SLC9A1: variants seen among roughly 807,000 people sequenced by gnomAD.
SLC9A1 encodes sodium/hydrogen exchanger 1.
SLC9A1 carries 22 observed loss-of-function variants against 67.9 expected under a neutral mutation model. That is an observed-to-expected ratio of 0.32 (90% CI 0.23 to 0.46). The LOEUF (loss-of-function observed/expected upper bound fraction) is 0.46, where lower values mean the gene tolerates loss of function less well. Ranked by LOEUF, SLC9A1 falls within the 20% of genes least tolerant of loss-of-function variation. The pLI is 1.00. For synonymous variants in SLC9A1, 421 were observed against 471.8 expected (o/e 0.89, Z 1.40); for missense variants, 686 against 1,094.8 (o/e 0.63, Z 5.27).
In SLC9A1 at chr1:27,113,951, A is replaced by T. The variant is rs752615564; in HGVS notation, c.688T>A (p.Phe230Ile). Residue 230 changes from phenylalanine to isoleucine, a missense_variant, in exon 2 of 12, where the codon TTC becomes ATC. Physicochemically the swap from Phe to Ile is conservative, Grantham distance 21 (BLOSUM62 0). Around this residue, in one of 7 missense-constraint regions of SLC9A1, gnomAD observed 49 missense variants for 73.1 expected, o/e 0.67. Transcript: ENST00000263980. ...NNIGLLDNLL[F>I]GSIISAVDPV... is the part of the protein sequence containing the mutation. Reference sequence around the variant, plus strand: ...TCCACGGCCGAGATGATGCTGCCGAAGAGCAGGTTGTCCAGGAGGCCGATG... The same window carrying T: ...TCCACGGCCGAGATGATGCTGCCGATGAGCAGGTTGTCCAGGAGGCCGATG... 6.2e-7 allele frequency: 1 copy of T among 1,614,240 alleles called. No homozygotes were observed. Among genetic ancestry groups the T allele is most frequent in the South Asian group, 1.1e-5 (1 of 91,078 alleles).
At chr1:27,115,324 A>G (rs913485939) in intron 1 of SLC9A1, among the ~76,000 whole-genome samples, 14 of 152,316 alleles carry the variant, frequency 9.2e-5, no homozygotes, top group South Asian at 2.1e-4. Context: ...AGGAGTAGCA[A>G]AAATCCCCGT....
intron 1 of SLC9A1, among the ~76,000 whole-genome samples, chr1:27,126,904 GAGTT>G (rs2083348239): frequency 6.6e-6 from 1 of 152,194 alleles, no homozygotes; most frequent in African/African-American, 2.4e-5. Flanking sequence ...GGAAGGGTGA[GAGTT>G]AGGCACCAAG....
Position 27,100,667 on chromosome 1 carries a change from A to C in SLC9A1, c.2111-23T>G. Reference sequence around the variant, plus strand: ...GGTCTGGGGACCAAGAGCAAGGCACAAGCTGGGTTCCGCTCTGGAGCCCGG... The same window carrying C: ...GGTCTGGGGACCAAGAGCAAGGCACCAGCTGGGTTCCGCTCTGGAGCCCGG... On this transcript the variant is annotated intron_variant, in intron 11 of 11. Transcript: ENST00000263980. The surrounding 1 kb of genome is among the most constrained non-coding windows in gnomAD (Gnocchi z 5.6). 6.3e-7 allele frequency: 1 copy of C among 1,577,090 alleles called. No homozygotes were observed. Among genetic ancestry groups the C allele is most frequent in the Non-Finnish European group, 8.6e-7 (1 of 1,159,376 alleles).
chr1:27,126,964 G>C (rs2083348622), intron 1 of SLC9A1, among the ~76,000 whole-genome samples: 1 of 152,174 alleles, frequency 6.6e-6, no homozygotes, highest in African/African-American at 2.4e-5. Flanking sequence ...ACAGGACAGG[G>C]AAACGAGTGT....
At chr1:27,119,192 T>A (rs1053583449) in intron 1 of SLC9A1, among the ~76,000 whole-genome samples, 1 of 152,044 alleles carries the variant, frequency 6.6e-6, no homozygotes, top group African/African-American at 2.4e-5. Context: ...CCTCGGACGG[T>A]CCCCATCTGT....
At chr1:27,130,048 T>C (rs1003731662) in intron 1 of SLC9A1, among the ~76,000 whole-genome samples, 2 of 152,228 alleles carry the variant, frequency 1.3e-5, no homozygotes, top group Non-Finnish European at 1.5e-5. Context: ...TCCTTTGCTG[T>C]GTGACCTTGG....
At chr1:27,111,326 TAGAG>T (rs1311396939) in intron 2 of SLC9A1, among the ~76,000 whole-genome samples, 1 of 152,176 alleles carries the variant, frequency 6.6e-6, no homozygotes, top group Non-Finnish European at 1.5e-5. Context: ...CCTGGAACTA[TAGAG>T]AAACAGAGTA....
In SLC9A1 at chr1:27,113,809, GC is replaced by G; in HGVS notation, c.813+16del. The G allele has an allele frequency of 2.5e-6, 4 of 1,592,674 alleles. No individual in the cohort carries two copies. Among genetic ancestry groups the G allele is most frequent in the Non-Finnish European group, 3.4e-6 (4 of 1,164,196 alleles). Reference sequence around the variant, plus strand: ...TTTGTACCGTTTGGACATGGGCATGGCCCCTGGCCTCCTCACCACAGTGACG... The same window carrying G: ...TTTGTACCGTTTGGACATGGGCATGGCCCTGGCCTCCTCACCACAGTGACG... On this transcript the variant is annotated intron_variant, in intron 2 of 11. Coordinates refer to ENST00000263980, the MANE Select transcript of SLC9A1 (RefSeq NM_003047.5).
rs1159828610 is a variant in SLC9A1, at chr1:27,137,194, T to C, written c.352+16789A>G. Among the ~76,000 whole-genome samples, 1 of 152,206 alleles carries C rather than the reference T, an allele frequency of 6.6e-6. No homozygotes were observed. The highest frequency in any genetic ancestry group is 1.5e-5 in the Non-Finnish European group (1 of 68,024). ...CCACGCAACTGTGTCTGCTGCATGGTAGGTGCTCAGAGGCAGGCTGAAAAG... is the reference window on the plus strand; with the variant it reads ...CCACGCAACTGTGTCTGCTGCATGGCAGGTGCTCAGAGGCAGGCTGAAAAG... On this transcript the variant is annotated intron_variant, in intron 1 of 11. Transcript: ENST00000263980. This position sits in a 1 kb window ranked among gnomAD's most constrained non-coding sequence, Gnocchi z 4.6.
intron 1 of SLC9A1, among the ~76,000 whole-genome samples, chr1:27,131,745 C>CAA (rs34967146): frequency 0.19 from 18,216 of 97,424 alleles, 1,902 homozygotes; most frequent in Non-Finnish European, 0.26. Context: ...GACTCTGTCT[C>CAA]AAAAAAAAAA....
intron 1 of SLC9A1, among the ~76,000 whole-genome samples, chr1:27,128,682 G>T (rs899084090): frequency 2.0e-5 from 3 of 150,856 alleles, no homozygotes; most frequent in Non-Finnish European, 4.4e-5. Flanking sequence ...AAAAGGCCAG[G>T]CGTGGTGGCT....
Position 27,111,512 on chromosome 1 carries a change from T to C in SLC9A1, c.814-1735A>G, listed in dbSNP as rs200577792. On this transcript the variant is annotated intron_variant, in intron 2 of 11. Transcript: ENST00000263980. Reference sequence around the variant, plus strand: ...ACTGTATAGATTAAATGAGGCAACATAGGCCAGACACAGTGGCTCACGCCT... The same window carrying C: ...ACTGTATAGATTAAATGAGGCAACACAGGCCAGACACAGTGGCTCACGCCT... Among the ~76,000 whole-genome samples the C allele has an allele frequency of 1.6e-4, 24 of 152,270 alleles. No individual in the cohort carries two copies. The East Asian group carries it at 2.9e-3, about 18-fold the overall frequency.
Position 27,101,738 on chromosome 1 carries a change from T to C in SLC9A1, c.2024A>G (p.Gln675Arg). The C allele has an allele frequency of 6.2e-7, 1 of 1,611,816 alleles. No homozygotes were observed. Among genetic ancestry groups the C allele is most frequent in the South Asian group, 1.1e-5 (1 of 90,866 alleles). Reference sequence around the variant, plus strand: ...GGCAGAGGCTACCTTCTGCTCCAGCTGCCGGGCCTTCTGCCTCCGGAGCAG... The same window carrying C: ...GGCAGAGGCTACCTTCTGCTCCAGCCGCCGGGCCTTCTGCCTCCGGAGCAG... ...QMLLRRQKAR[Q>R]LEQKINNYLT... Residue 675 changes from glutamine to arginine, a missense_variant, in exon 10 of 12, where the codon CAG becomes CGG. By Grantham distance (43) the Gln-to-Arg change is conservative. Coordinates refer to ENST00000263980, the MANE Select transcript of SLC9A1 (RefSeq NM_003047.5). This position sits in a 1 kb window ranked among gnomAD's most constrained non-coding sequence, Gnocchi z 4.9.
intron 1 of SLC9A1, among the ~76,000 whole-genome samples, chr1:27,142,876 T>A (rs2124205438): frequency 6.6e-6 from 1 of 152,188 alleles, no homozygotes; most frequent in Admixed American, 6.5e-5. Context: ...CTGGAAGGTA[T>A]TCTGCAGTCC....
chr1:27,124,076 A>C (rs1318125367), intron 1 of SLC9A1, among the ~76,000 whole-genome samples: 6 of 151,372 alleles, frequency 4.0e-5, no homozygotes. Context: ...TCCGTTCCCC[A>C]CTCCATCTCT....
At position 27,154,656 on chromosome 1, in the gene SLC9A1, T is replaced by C. The variant is rs1393108286; in HGVS notation, c.-322A>G. 15 of 285,808 alleles carry C rather than the reference T, an allele frequency of 5.2e-5. No individual in the cohort carries two copies. Among genetic ancestry groups the C allele is most frequent in the Admixed American group, 1.6e-4 (3 of 19,074 alleles). The allele number at this position is 285,808 out of a possible 1,614,324, so 17.7% of individuals were successfully genotyped here. ...CCTAGGGATAGAGGAAGGGGCAGGA[T>C]AGGGATAGTGCAAAGGAAAGGAAGA... On this transcript the variant is annotated 5_prime_UTR_variant, in exon 1 of 12. Coordinates refer to ENST00000263980, the MANE Select transcript of SLC9A1 (RefSeq NM_003047.5).
chr1:27,117,650 A>C (rs1346266947), intron 1 of SLC9A1, among the ~76,000 whole-genome samples: 2 of 152,036 alleles, frequency 1.3e-5, no homozygotes, highest in Non-Finnish European at 2.9e-5. Context: ...ATGAGCCAGA[A>C]CTGTGCTGGG....
In SLC9A1 at chr1:27,106,315, A is replaced by C. The variant is rs952960713; in HGVS notation, c.1283-228T>G. On this transcript the variant is annotated intron_variant, in intron 4 of 11. Transcript: ENST00000263980. This position sits in a 1 kb window ranked among gnomAD's most constrained non-coding sequence, Gnocchi z 4.3. ...AACCTGGATGTGCTTTAGAGACATC[A>C]TGGAGGCCTCCAGTGGCTGGAGGGC... Among the ~76,000 whole-genome samples the C allele has an allele frequency of 6.6e-6, 1 of 152,180 alleles. No individual in the cohort carries two copies. The highest frequency in any genetic ancestry group is 1.5e-5 in the Non-Finnish European group (1 of 68,004).
chr1:27,154,080 C>T lies in SLC9A1; in HGVS notation c.255G>A (p.Pro85=). 2 of 1,613,780 alleles carry T rather than the reference C, an allele frequency of 1.2e-6. No homozygotes were observed. The highest frequency in any genetic ancestry group is 1.3e-5 in the African/African-American group (1 of 75,022). Reference sequence around the variant, plus strand: ...TGCCCAGGACTGGAAAGGCCTTGCGCGGCTTCATGCCATGATCAGTGACGG... The same window carrying T: ...TGCCCAGGACTGGAAAGGCCTTGCGTGGCTTCATGCCATGATCAGTGACGG... ...NHSVTDHGMK[P]RKAFPVLGID... is the part of the protein sequence containing the mutation. Residue 85 remains proline, a synonymous_variant, in exon 1 of 12, where the codon CCG becomes CCA. Coordinates refer to ENST00000263980, the MANE Select transcript of SLC9A1 (RefSeq NM_003047.5).
Sources: allele counts gnomAD v4.1 joint callset (sites outside exome capture counted in the v4.1 genomes callset), GRCh38; gene constraint gnomAD v4.1.1; regional missense constraint gnomAD v4.1.1; non-coding constraint Gnocchi (gnomAD v3.1); transcripts MANE v1.5; gene names NCBI Gene and HGNC (gene_info 2026-07-23, HGNC 2026-07-21).